TTLL11: variants seen among roughly 807,000 people sequenced by gnomAD.
The protein encoded by TTLL11 is tubulin tyrosine ligase like 11, also known as tubulin polyglutamylase TTLL11.
In TTLL11, 42 loss-of-function variants were observed where a neutral mutation model predicts 51.7. The ratio of observed to expected loss-of-function variants is 0.81; its 90% CI spans 0.64 to 1.05. TTLL11 has a LOEUF of 1.05. Ranked by LOEUF, TTLL11 falls within the 50% of genes least tolerant of loss-of-function variation. TTLL11 has a pLI of 0.00. For synonymous variants in TTLL11, 381 were observed against 383.5 expected (o/e 0.99, Z 0.08); for missense variants, 799 against 940.4 (o/e 0.85, Z 1.97).
At chr9:121,854,693 T>G (rs1339172602) in intron 8 of TTLL11, among the ~76,000 whole-genome samples, 4 of 152,170 alleles carry the variant, frequency 2.6e-5, no homozygotes, top group African/African-American at 9.6e-5. Flanking sequence ...CACGGAGATG[T>G]GAAATTCCAC....
intron 1 of TTLL11, among the ~76,000 whole-genome samples, chr9:122,064,410 T>G (rs1330527480): frequency 2.6e-5 from 4 of 152,252 alleles, no homozygotes; most frequent in Non-Finnish European, 5.9e-5. Context: ...TAATCCATTC[T>G]ATTCAGCACA....
intron 4 of TTLL11, among the ~76,000 whole-genome samples, chr9:121,976,704 T>A (rs144672875): frequency 2.6e-4 from 40 of 152,296 alleles, no homozygotes; most frequent in African/African-American, 9.6e-4. Context: ...TGACCATTTT[T>A]GGGGGCTGAT....
At chr9:121,950,498 A>G (rs1344665210) in intron 6 of TTLL11, among the ~76,000 whole-genome samples, 2 of 152,168 alleles carry the variant, frequency 1.3e-5, no homozygotes, top group African/African-American at 4.8e-5. Context: ...TCATATCCCA[A>G]AGACTGGTGT....
chr9:121,822,661 G>T lies in TTLL11; in HGVS notation c.2059C>A (p.Pro687Thr). The T allele has an allele frequency of 2.0e-6, 3 of 1,535,172 alleles. No homozygotes were observed. In the South Asian group the frequency reaches 3.7e-5, roughly 19 times the overall value. The change falls in exon 9 of 9, where the codon CCA becomes ACA. Residue 687 changes from proline (P) to threonine (T), a missense_variant. By Grantham distance (38) the Pro-to-Thr change is conservative (BLOSUM62 -1). Around this residue, in one of 3 missense-constraint regions of TTLL11, gnomAD observed 165 missense variants for 166.1 expected, o/e 0.99. Transcript: ENST00000321582. The surrounding 1 kb of genome is among the most constrained non-coding windows in gnomAD (Gnocchi z 5.8). The part of the protein sequence containing the change: ...PPQEPSPSAQ[P>T]AGDNPPPRTS... ...CGGGGTGGGGGGTTGTCCCCTGCTG[G>T]CTGGGCCGAGGGGGAGGGCTCCTGG...
intron 3 of TTLL11, among the ~76,000 whole-genome samples, chr9:122,006,340 CA>C (rs5900505): frequency 0.35 from 48,707 of 138,722 alleles, 8,436 homozygotes; most frequent in African/African-American, 0.44. Context: ...GAGACTATCT[CA>C]AAAAAAAAAA....
chr9:122,012,659 CACAT>C lies in TTLL11; in HGVS notation c.693+19060_693+19063del, dbSNP rs1194294867. On this transcript the variant is annotated intron_variant, in intron 3 of 8. Coordinates refer to ENST00000321582, the MANE Select transcript of TTLL11 (RefSeq NM_001139442.2). ...CTGTCTCTGGCAGGAGGAAAAAATA[CACAT>C]ACACACACACACACGCACACACACA... Among the ~76,000 whole-genome samples the C allele has an allele frequency of 3.5e-3, 423 of 122,466 alleles. 1 individual carries two copies. The highest frequency in any genetic ancestry group is 0.014 in the African/African-American group (384 of 27,702). 80.3% of individuals were successfully genotyped at this position (122,466 alleles called of 152,430 possible).
intron 3 of TTLL11, among the ~76,000 whole-genome samples, chr9:121,992,847 G>A (rs918723424): frequency 1.3e-5 from 2 of 152,138 alleles, no homozygotes; most frequent in African/African-American, 2.4e-5. Flanking sequence ...AAGTCACCCC[G>A]TTCAAAATTC....
intron 8 of TTLL11, among the ~76,000 whole-genome samples, chr9:121,838,073 A>G (rs1378866946): frequency 6.6e-6 from 1 of 152,094 alleles, no homozygotes; most frequent in African/African-American, 2.4e-5. Flanking sequence ...ATGCCCTCCA[A>G]ATCATTGTCT....
In TTLL11 at chr9:121,826,553, G is replaced by GTGTATATATATATATA. The variant is rs1554756738; in HGVS notation, c.1841-3675_1841-3674insTATATATATATATACA. On this transcript the variant is annotated intron_variant, in intron 8 of 8. Transcript: ENST00000321582. ...TGTGTGTGTGTATATATATATATGT[G>GTGTATATATATATATA]TGTGTATATATATATATATATATAT... Among the ~76,000 whole-genome samples the GTGTATATATATATATA allele has an allele frequency of 1.3e-3, 61 of 45,204 alleles. 3 individuals carry two copies. The highest frequency in any genetic ancestry group is 2.0e-3 in the Non-Finnish European group (54 of 26,962). 29.7% of individuals were successfully genotyped at this position (45,204 alleles called of 152,430 possible). A position where few individuals can be genotyped will look rare whatever the true frequency, so the allele number is the denominator to read the frequency against.
chr9:122,072,910 G>A (rs1588258095), intron 1 of TTLL11, among the ~76,000 whole-genome samples: 2 of 152,212 alleles, frequency 1.3e-5, no homozygotes, highest in Non-Finnish European at 2.9e-5. Context: ...CACACAGGGT[G>A]TCATTTCTTT....
chr9:122,050,954 T>C (rs1421602598), intron 1 of TTLL11, among the ~76,000 whole-genome samples: 1 of 152,192 alleles, frequency 6.6e-6, no homozygotes, highest in African/African-American at 2.4e-5. Context: ...CTCAGATTCC[T>C]AACCCTCAAA....
chr9:122,063,468 A>T (rs141914452), intron 1 of TTLL11, among the ~76,000 whole-genome samples: 77 of 152,190 alleles, frequency 5.1e-4, no homozygotes, highest in African/African-American at 1.8e-3. Context: ...CAGAAAAAAT[A>T]AGATTGCGTT....
intron 6 of TTLL11, among the ~76,000 whole-genome samples, chr9:121,901,863 T>C (rs1839788813): frequency 2.0e-5 from 3 of 152,356 alleles, no homozygotes; most frequent in Middle Eastern, 3.4e-3. Flanking sequence ...AAGCTGTGTT[T>C]CCTCATTACT....
At chr9:122,029,543 A>G (rs1386797245) in intron 3 of TTLL11, among the ~76,000 whole-genome samples, 1 of 152,256 alleles carries the variant, frequency 6.6e-6, no homozygotes, top group Non-Finnish European at 1.5e-5. Context: ...ACATAGAAAA[A>G]GGCTTAGGGA....
chr9:122,058,714 AC>A (rs1845360610), intron 1 of TTLL11, among the ~76,000 whole-genome samples: 2 of 152,272 alleles, frequency 1.3e-5, no homozygotes, highest in South Asian at 4.1e-4. Context: ...CTCATTTTTC[AC>A]AGCTCAACAC....
Position 122,092,941 on chromosome 9 carries a change from G to C in TTLL11, c.208C>G (p.Pro70Ala), listed in dbSNP as rs61742325. The C allele has an allele frequency of 3.2e-6, 5 of 1,580,830 alleles. No homozygotes were observed. The highest frequency in any genetic ancestry group is 4.3e-6 in the Non-Finnish European group (5 of 1,171,666). Residue 70 changes from proline (P) to alanine (A), a missense_variant, in exon 1 of 9, where the codon CCC becomes GCC. Coordinates refer to ENST00000321582, the MANE Select transcript of TTLL11 (RefSeq NM_001139442.2). Reference sequence around the variant, plus strand: ...GTGTTCCCCTCCTCAGCCGCACTGGGCTGCGCCGGGGCCGGGGCCAGGACC... The same window carrying C: ...GTGTTCCCCTCCTCAGCCGCACTGGCCTGCGCCGGGGCCGGGGCCAGGACC... ...PKVLAPAPAQ[P>A]SAAEEGNTQV...
intron 8 of TTLL11, among the ~76,000 whole-genome samples, chr9:121,830,731 C>G (rs1588054106): frequency 6.6e-6 from 1 of 152,202 alleles, no homozygotes; most frequent in East Asian, 1.9e-4. Flanking sequence ...ATGCCATCTC[C>G]TAGGCCCTGC....
chr9:122,045,810 G>A (rs927127212), intron 1 of TTLL11, among the ~76,000 whole-genome samples: 1 of 152,142 alleles, frequency 6.6e-6, no homozygotes, highest in South Asian at 2.1e-4. Flanking sequence ...GACAAATATC[G>A]TATGATTCTA....
chr9:121,929,556 A>G (rs926353979), intron 6 of TTLL11, among the ~76,000 whole-genome samples: 8 of 152,214 alleles, frequency 5.3e-5, no homozygotes, highest in African/African-American at 1.9e-4. Context: ...ATGACATTAA[A>G]ATTAGACACA....
Sources: allele counts gnomAD v4.1 joint callset (sites outside exome capture counted in the v4.1 genomes callset), GRCh38; gene constraint gnomAD v4.1.1; regional missense constraint gnomAD v4.1.1; non-coding constraint Gnocchi (gnomAD v3.1); transcripts MANE v1.5; gene names NCBI Gene and HGNC (gene_info 2026-07-23, HGNC 2026-07-21).